CDH13: variants seen among roughly 807,000 people sequenced by gnomAD.
The protein encoded by CDH13 is cadherin-13.
In CDH13, 24 loss-of-function variants were observed where a neutral mutation model predicts 63.8. The observed-to-expected ratio is 0.38, with a 90% confidence interval of 0.27 to 0.53. CDH13 has a LOEUF of 0.53. CDH13 is among the 20% of genes least tolerant of loss of function. The probability of loss-of-function intolerance (pLI) is 0.85; values close to 1 mark genes in which losing one functional copy is unlikely to be tolerated. For synonymous variants in CDH13, 503 were observed against 355.3 expected (o/e 1.42, Z -4.67); for missense variants, 1,049 against 903.1 (o/e 1.16, Z -2.07).
chr16:83,739,693 G>T (rs750099314), intron 10 of CDH13, among the ~76,000 whole-genome samples: 10 of 152,174 alleles, frequency 6.6e-5, no homozygotes, highest in Non-Finnish European at 1.0e-4. Context: ...TCTTTTGAGA[G>T]ACCTGCCTAT....
chr16:83,585,187 C>T lies in CDH13; in HGVS notation c.961-17267C>T, dbSNP rs556256891. Among the ~76,000 whole-genome samples, 8 of 152,318 alleles carry T rather than the reference C, an allele frequency of 5.3e-5. No homozygotes were observed. In the East Asian group the frequency reaches 1.5e-3, roughly 29 times the overall value. ...AGCTGGCGTGGGTGGCCTTCCCTTC[C>T]TGAACAGCGTGATGCTGGTAACCTG... On this transcript the variant is annotated intron_variant, in intron 7 of 13. Transcript: ENST00000567109.
At chr16:82,832,735 C>T (rs1013277739) in intron 1 of CDH13, among the ~76,000 whole-genome samples, 1 of 152,104 alleles carries the variant, frequency 6.6e-6, no homozygotes, top group African/African-American at 2.4e-5. Flanking sequence ...GCATCTGGAT[C>T]AGTCAGCCTG....
At chr16:83,424,182 C>A (rs541434981) in intron 6 of CDH13, among the ~76,000 whole-genome samples, 1 of 150,748 alleles carries the variant, frequency 6.6e-6, no homozygotes, top group Non-Finnish European at 1.5e-5. Context: ...AAATCTAACA[C>A]GTACTGAACA....
intron 7 of CDH13, among the ~76,000 whole-genome samples, chr16:83,546,978 C>T (rs975284508): frequency 6.6e-6 from 1 of 152,156 alleles, no homozygotes; most frequent in African/African-American, 2.4e-5. Context: ...CACCTCCGGT[C>T]CTGAACAGCC....
intron 6 of CDH13, among the ~76,000 whole-genome samples, chr16:83,392,621 G>A (rs571321329): frequency 6.6e-6 from 1 of 152,282 alleles, no homozygotes; most frequent in East Asian, 1.9e-4. Context: ...TCTCTGAGCA[G>A]TTCCAAGCCC....
At chr16:83,402,256 A>G (rs980691877) in intron 6 of CDH13, among the ~76,000 whole-genome samples, 3 of 152,052 alleles carry the variant, frequency 2.0e-5, no homozygotes, top group African/African-American at 4.8e-5. Flanking sequence ...AGCGCCACCT[A>G]TTGACCATAT....
intron 6 of CDH13, among the ~76,000 whole-genome samples, chr16:83,414,248 T>G (rs2092168497): frequency 6.6e-6 from 1 of 152,200 alleles, no homozygotes; most frequent in African/African-American, 2.4e-5. Context: ...TCGTAGCAGT[T>G]GTTGTTTAAA....
At chr16:82,664,368 A>C (rs979697760) in intron 1 of CDH13, among the ~76,000 whole-genome samples, 5 of 152,202 alleles carry the variant, frequency 3.3e-5, no homozygotes, top group African/African-American at 1.2e-4. Context: ...TAGTAAATTC[A>C]TGGCAGTGCC....
At chr16:83,522,476 G>A (rs889540295) in intron 7 of CDH13, among the ~76,000 whole-genome samples, 5 of 152,164 alleles carry the variant, frequency 3.3e-5, no homozygotes, top group East Asian at 1.9e-4. Context: ...CCAACAAGAC[G>A]TGGTCTCTAT....
chr16:83,740,061 A>C (rs1399685103), intron 10 of CDH13: 1 of 152,290 alleles, frequency 6.6e-6, no homozygotes, highest in East Asian at 1.9e-4. Context: ...TCTAAGACTT[A>C]TCCGATGAGG....
intron 7 of CDH13, among the ~76,000 whole-genome samples, chr16:83,573,195 G>T (rs1294969969): frequency 6.6e-6 from 1 of 152,182 alleles, no homozygotes; most frequent in Non-Finnish European, 1.5e-5. Flanking sequence ...TTGAATTTGG[G>T]GAGGTAGGGA....
chr16:83,447,923 C>A (rs1317612529), intron 6 of CDH13, among the ~76,000 whole-genome samples: 1 of 152,022 alleles, frequency 6.6e-6, no homozygotes, highest in South Asian at 2.1e-4. Context: ...CAGAAGTTGC[C>A]CCACCTCTCT....
intron 2 of CDH13, among the ~76,000 whole-genome samples, chr16:82,941,503 G>A (rs973720483): frequency 2.0e-5 from 3 of 152,158 alleles, no homozygotes; most frequent in Non-Finnish European, 4.4e-5. Context: ...TCCACGTGTA[G>A]AAAATAGCCC....
At chr16:83,379,555 T>TC (rs1284517896) in intron 6 of CDH13, among the ~76,000 whole-genome samples, 3 of 152,188 alleles carry the variant, frequency 2.0e-5, no homozygotes, top group African/African-American at 7.2e-5. Flanking sequence ...GCCCACGTTT[T>TC]CCCATGGTAT....
intron 3 of CDH13, among the ~76,000 whole-genome samples, chr16:83,091,285 C>T (rs1016591434): frequency 6.6e-6 from 1 of 151,794 alleles, no homozygotes; most frequent in Non-Finnish European, 1.5e-5. Flanking sequence ...AAAAAAATTC[C>T]ATGAGCACTT....
At chr16:82,810,977 C>G (rs1256543752) in intron 1 of CDH13, among the ~76,000 whole-genome samples, 1 of 152,142 alleles carries the variant, frequency 6.6e-6, no homozygotes, top group Non-Finnish European at 1.5e-5. Context: ...GGACCCTTCT[C>G]TCAGTCTGCT....
intron 10 of CDH13, among the ~76,000 whole-genome samples, chr16:83,704,257 A>T (rs924101683): frequency 5.3e-5 from 8 of 152,328 alleles, no homozygotes; most frequent in African/African-American, 1.7e-4. Context: ...TCATTCAGTC[A>T]GGTTAGGTTG....
intron 13 of CDH13, among the ~76,000 whole-genome samples, chr16:83,784,111 A>G (rs16961759): frequency 0.065 from 9,880 of 152,254 alleles, 435 homozygotes; most frequent in East Asian, 0.16. Context: ...TTTAGCCGTT[A>G]TTCATATATA....
chr16:83,416,291 C>T (rs1246494109), intron 6 of CDH13, among the ~76,000 whole-genome samples: 1 of 152,162 alleles, frequency 6.6e-6, no homozygotes, highest in Non-Finnish European at 1.5e-5. Flanking sequence ...GATTGGAAGA[C>T]TTACTATTGT....
Sources: gnomAD v4.1 joint callset for allele counts (sites outside exome capture counted in the v4.1 genomes callset) on GRCh38, gnomAD v4.1.1 for gene constraint, MANE v1.5 for transcripts, NCBI Gene and HGNC (gene_info 2026-07-23, HGNC 2026-07-21) for gene names.